Variants in N4BP2 observed in about 807,000 individuals in gnomAD.
N4BP2 encodes NEDD4 binding protein 2.
A neutral mutation model predicts 152.8 loss-of-function variants in N4BP2; 91 were observed. That is an observed-to-expected ratio of 0.60 (90% CI 0.50 to 0.71). The LOEUF (loss-of-function observed/expected upper bound fraction) is 0.71, where lower values mean the gene tolerates loss of function less well. N4BP2 is among the 30% of genes least tolerant of loss of function. The pLI is 0.00. For missense variants in N4BP2, 1,923 were observed against 2,059.1 expected (o/e 0.93, Z 1.28); for synonymous variants, 646 against 705.3 (o/e 0.92, Z 1.33).
chr4:40,062,954 T>C (rs764098144), intron 1 of N4BP2, among the ~76,000 whole-genome samples: 1 of 152,192 alleles, frequency 6.6e-6, no homozygotes, highest in Non-Finnish European at 1.5e-5. Context: ...CACATAGCGG[T>C]AAATGGACTG....
chr4:40,155,152 G>A lies in N4BP2; in HGVS notation c.*915G>A, dbSNP rs1244759167. On this transcript the variant is annotated 3_prime_UTR_variant, in exon 18 of 18. Transcript: ENST00000261435. The stretch of plus-strand genomic sequence containing the variant: ...CACGCCTGTAATCCCAGCACTTTGG[G>A]AGGCCGAGGTAGGTGGATCGCCTGA... 1 of 152,262 alleles carries A rather than the reference G, an allele frequency of 6.6e-6. No individual in the cohort carries two copies. The highest frequency in any genetic ancestry group is 2.4e-5 in the African/African-American group (1 of 41,452). 9.4% of individuals were successfully genotyped at this position (152,262 alleles called of 1,614,324 possible).
intron 12 of N4BP2, among the ~76,000 whole-genome samples, chr4:40,129,669 C>T (rs115639326): frequency 0.023 from 3,527 of 152,018 alleles, 140 homozygotes; most frequent in African/African-American, 0.079. Flanking sequence ...TGAGGTCTTG[C>T]AGTGTTGCCC....
intron 6 of N4BP2, among the ~76,000 whole-genome samples, chr4:40,112,806 C>T (rs950850761): frequency 2.6e-5 from 4 of 151,916 alleles, no homozygotes; most frequent in African/African-American, 7.3e-5. Flanking sequence ...TGGGTTCAAT[C>T]GATTCTCCTG....
chr4:40,121,442 T>C lies in N4BP2; in HGVS notation c.3331T>C (p.Tyr1111His), dbSNP rs1323421371. ...TTCATTAGAAGCCCTGAAAGACTTATATGAGAGGTGCAATAAAGATATTAT... is the reference window on the plus strand; with the variant it reads ...TTCATTAGAAGCCCTGAAAGACTTACATGAGAGGTGCAATAAAGATATTAT... ...SFSLEALKDL[Y>H]ERCNKDIIWA... The change falls in exon 9 of 18, where the codon TAT (tyrosine) becomes CAT (histidine). Residue 1111 changes from tyrosine (Y) to histidine (H), a missense_variant. Tyr to His is a moderately conservative substitution (Grantham distance 83, BLOSUM62 2). Transcript: ENST00000261435. 6.8e-6 allele frequency: 11 copies of C among 1,613,422 alleles called. No homozygotes were observed. Among genetic ancestry groups the C allele is most frequent in the African/African-American group, 2.7e-5 (2 of 74,822 alleles).
At chr4:40,183,503 T>C in the N4BP2 span, among the ~76,000 whole-genome samples, 1 of 151,906 alleles carries the variant, frequency 6.6e-6, no homozygotes, top group Non-Finnish European at 1.5e-5. Flanking sequence ...GCCCAGCTAA[T>C]TTTTTTGTAT....
chr4:40,083,982 G>A (rs991398619), intron 2 of N4BP2, among the ~76,000 whole-genome samples: 2 of 152,092 alleles, frequency 1.3e-5, no homozygotes, highest in African/African-American at 4.8e-5. Context: ...TCATTCAGAC[G>A]GGGTCTCACT....
chr4:40,109,549 C>A (rs1716668608), intron 5 of N4BP2, among the ~76,000 whole-genome samples: 1 of 152,072 alleles, frequency 6.6e-6, no homozygotes, highest in South Asian at 2.1e-4. Context: ...GTTACCCCAT[C>A]TCTACTAAAA....
intron 16 of N4BP2, among the ~76,000 whole-genome samples, chr4:40,146,065 G>C (rs1156301473): frequency 1.3e-5 from 2 of 152,104 alleles, no homozygotes; most frequent in East Asian, 3.8e-4. Context: ...GGGAGGCTGA[G>C]GCAGGGAGAA....
intron 2 of N4BP2, among the ~76,000 whole-genome samples, chr4:40,087,373 G>A (rs1162111988): frequency 6.6e-6 from 1 of 151,738 alleles, no homozygotes. Context: ...AAAAAATTAG[G>A]TTTTTTTTGA....
the N4BP2 span, among the ~76,000 whole-genome samples, chr4:40,168,969 G>A: frequency 1.6e-4 from 25 of 151,832 alleles, no homozygotes; most frequent in South Asian, 2.1e-4. Flanking sequence ...CAGGTGATCC[G>A]CCCACCTCTG....
At chr4:40,133,135 T>C (rs1245302208) in intron 13 of N4BP2, among the ~76,000 whole-genome samples, 1 of 152,190 alleles carries the variant, frequency 6.6e-6, no homozygotes, top group African/African-American at 2.4e-5. Context: ...TGCTGTCTTA[T>C]CATTTATTTT....
At chr4:40,078,143 G>GTGTGTA (rs1475001343) in intron 2 of N4BP2, among the ~76,000 whole-genome samples, 5 of 151,184 alleles carry the variant, frequency 3.3e-5, no homozygotes, top group African/African-American at 1.2e-4. Flanking sequence ...GTGTGTGTGT[G>GTGTGTA]TGTGTATGTG....
chr4:40,126,019 A>G, intron 11 of N4BP2, 115 bp from the exon 12 acceptor site: 2 of 589,960 alleles, frequency 3.4e-6, no homozygotes, highest in Non-Finnish European at 2.8e-6. Flanking sequence ...TATATTTACA[A>G]ACTGAAAATT....
intron 16 of N4BP2, among the ~76,000 whole-genome samples, 171 bp from the exon 17 acceptor site, chr4:40,152,609 A>G (rs1164538097): frequency 5.9e-5 from 9 of 152,232 alleles, no homozygotes; most frequent in Admixed American, 5.9e-4. Context: ...TAAAACATTA[A>G]TTTGGGGGCT....
At chr4:40,061,258 C>T (rs1199016547) in intron 1 of N4BP2, among the ~76,000 whole-genome samples, 1 of 151,878 alleles carries the variant, frequency 6.6e-6, no homozygotes, top group East Asian at 1.9e-4. Context: ...CAACCTCTGC[C>T]TCCCAGGTTC....
At chr4:40,066,776 TACAGA>T (rs1711567929) in intron 1 of N4BP2, among the ~76,000 whole-genome samples, 1 of 152,184 alleles carries the variant, frequency 6.6e-6, no homozygotes. Context: ...CTTTTAAGAG[TACAGA>T]ACAGTAGTGT....
At chr4:40,071,645 C>A (rs1712193216) in intron 1 of N4BP2, among the ~76,000 whole-genome samples, 1 of 152,150 alleles carries the variant, frequency 6.6e-6, no homozygotes, top group Non-Finnish European at 1.5e-5. Flanking sequence ...CGGCTCACTG[C>A]AACCTCTGTC....
intron 16 of N4BP2, among the ~76,000 whole-genome samples, chr4:40,147,588 G>A (rs1042381910): frequency 4.1e-5 from 6 of 147,622 alleles, no homozygotes; most frequent in African/African-American, 1.5e-4. Flanking sequence ...GGTGGGGGCT[G>A]ACCCCCCCAC....
At chr4:40,165,148 A>G in the N4BP2 span, among the ~76,000 whole-genome samples, 2 of 152,162 alleles carry the variant, frequency 1.3e-5, no homozygotes, top group South Asian at 4.1e-4. Flanking sequence ...GTTGTCTCTT[A>G]TATTTCTTGG....
Sources: gnomAD v4.1 joint callset for allele counts (sites outside exome capture counted in the v4.1 genomes callset) on GRCh38, gnomAD v4.1.1 for gene constraint, MANE v1.5 for transcripts, NCBI Gene and HGNC (gene_info 2026-07-23, HGNC 2026-07-21) for gene names.